Variants in GAREM1 observed in about 807,000 individuals in gnomAD.
GAREM1 encodes the protein GRB2-associated and regulator of MAPK protein 1.
A neutral mutation model predicts 71.3 loss-of-function variants in GAREM1; 26 were observed. The observed-to-expected ratio is 0.36, with a 90% CI of 0.27 to 0.51. The LOEUF (loss-of-function observed/expected upper bound fraction) is 0.51, where lower values mean the gene tolerates loss of function less well. GAREM1 is among the 20% of genes least tolerant of loss of function. GAREM1 has a pLI of 0.95. For missense variants in GAREM1, 1,026 were observed against 1,103.1 expected (o/e 0.93, Z 0.99); for synonymous variants, 440 against 433.2 (o/e 1.02, Z -0.20).
At chr18:32,457,722 G>A (rs888627428) in intron 1 of GAREM1, among the ~76,000 whole-genome samples, 1 of 152,030 alleles carries the variant, frequency 6.6e-6, no homozygotes, top group African/African-American at 2.4e-5. Context: ...AGAGTCCTCA[G>A]GTGCTAAATT....
Position 32,287,230 on chromosome 18 carries a change from A to G in GAREM1, c.1367T>C (p.Leu456Pro). Residue 456 changes from leucine to proline, a missense_variant, in exon 4 of 6, where the codon CTG (leucine) becomes CCG (proline). Leu to Pro is a moderately conservative substitution (Grantham distance 98, BLOSUM62 -3). Transcript: ENST00000269209. The surrounding 1 kb of genome is among the most constrained non-coding windows in gnomAD (Gnocchi z 5.9). Reference sequence around the variant, plus strand: ...GCTGGGCTTGCCTTCCTCCAGCCACAGCTCTTCGTAGGGAAGTTCTGACTT... The same window carrying G: ...GCTGGGCTTGCCTTCCTCCAGCCACGGCTCTTCGTAGGGAAGTTCTGACTT... ...PGKSELPYEE[L>P]WLEEGKPSHQ... is the part of the protein sequence containing the mutation. 2 of 1,614,218 alleles carry G rather than the reference A, an allele frequency of 1.2e-6. No homozygotes were observed. The highest frequency in any genetic ancestry group is 1.7e-6 in the Non-Finnish European group (2 of 1,180,026).
chr18:32,348,442 G>C (rs544442986), intron 2 of GAREM1, among the ~76,000 whole-genome samples: 60 of 152,314 alleles, frequency 3.9e-4, no homozygotes, highest in Non-Finnish European at 6.5e-4. Flanking sequence ...ATTAAGTCAA[G>C]GCTGGGCGTG....
intron 1 of GAREM1, chr18:32,412,432 T>G: frequency 6.3e-7 from 1 of 1,587,320 alleles, no homozygotes; most frequent in Non-Finnish European, 8.5e-7. Context: ...CTTCCATCAT[T>G]ACCAAATCCA....
intron 2 of GAREM1, among the ~76,000 whole-genome samples, chr18:32,362,246 C>T (rs1353779871): frequency 6.6e-6 from 1 of 152,170 alleles, no homozygotes; most frequent in African/African-American, 2.4e-5. Context: ...TCTTTCCATT[C>T]ATGTACATTT....
Position 32,362,648 on chromosome 18 carries a change from T to A in GAREM1, c.262+30247A>T, listed in dbSNP as rs148191062. Among the ~76,000 whole-genome samples, 580 of 152,320 alleles carry A rather than the reference T, an allele frequency of 3.8e-3. 4 individuals are homozygous for A. The highest frequency in any genetic ancestry group is 0.013 in the African/African-American group (557 of 41,580). On this transcript the variant is annotated intron_variant, in intron 2 of 5. Transcript: ENST00000269209. ...CTGGTGTTTACTGGGATAAAACCCC[T>A]AATATTTTGCAAGACATCAGAGATC... is the stretch of plus-strand genomic sequence containing the variant.
intron 3 of GAREM1, among the ~76,000 whole-genome samples, chr18:32,298,698 G>A (rs73956869): frequency 2.4e-3 from 369 of 152,234 alleles, no homozygotes; most frequent in African/African-American, 7.9e-3. Context: ...TAGGAAATCT[G>A]TTCTCTAGCA....
At chr18:32,386,707 G>A (rs1018948110) in intron 2 of GAREM1, among the ~76,000 whole-genome samples, 1 of 152,124 alleles carries the variant, frequency 6.6e-6, no homozygotes. Flanking sequence ...CCATTACTTC[G>A]CAAATTGGCA....
chr18:32,369,206 T>C (rs1245535322), intron 2 of GAREM1, among the ~76,000 whole-genome samples: 1 of 152,226 alleles, frequency 6.6e-6, no homozygotes, highest in South Asian at 2.1e-4. Flanking sequence ...ATATGCTGCT[T>C]TGAAAGGTGC....
chr18:32,393,760 T>A (rs2048225482), intron 1 of GAREM1, among the ~76,000 whole-genome samples: 1 of 152,204 alleles, frequency 6.6e-6, no homozygotes, highest in African/African-American at 2.4e-5. Flanking sequence ...TTTCGGCATT[T>A]GAACGGATGA....
intron 2 of GAREM1, among the ~76,000 whole-genome samples, chr18:32,366,519 C>A (rs1399806188): frequency 5.9e-5 from 9 of 152,120 alleles, no homozygotes; most frequent in African/African-American, 2.2e-4. Context: ...GAAAGGGAAC[C>A]TGTATATAAT....
At chr18:32,393,621 C>T (rs192740439) in intron 1 of GAREM1, among the ~76,000 whole-genome samples, 3 of 152,306 alleles carry the variant, frequency 2.0e-5, no homozygotes, top group Non-Finnish European at 2.9e-5. Context: ...TAAATACTCA[C>T]AGTTCCTTTT....
At chr18:32,350,476 TTAAA>T (rs952637933) in intron 2 of GAREM1, among the ~76,000 whole-genome samples, 4 of 152,108 alleles carry the variant, frequency 2.6e-5, no homozygotes, top group African/African-American at 7.2e-5. Flanking sequence ...TCTCAACACA[TTAAA>T]TAGAGATCCA....
intron 1 of GAREM1, among the ~76,000 whole-genome samples, chr18:32,424,100 C>T (rs576247821): frequency 1.2e-3 from 187 of 151,730 alleles, no homozygotes; most frequent in African/African-American, 4.3e-3. Flanking sequence ...CATGCTGCTG[C>T]GATCCAGCCC....
intron 1 of GAREM1, among the ~76,000 whole-genome samples, chr18:32,407,516 T>C (rs923006655): frequency 2.6e-5 from 4 of 152,232 alleles, no homozygotes; most frequent in Admixed American, 6.5e-5. Flanking sequence ...TGAAAAGACA[T>C]AGTCTTACTT....
chr18:32,309,999 A>G (rs532825753), intron 3 of GAREM1, among the ~76,000 whole-genome samples, 194 bp downstream of exon 3: 2 of 152,214 alleles, frequency 1.3e-5, no homozygotes, highest in Non-Finnish European at 2.9e-5. Context: ...CTAACAAAAG[A>G]TAATGCTAAT....
intron 3 of GAREM1, among the ~76,000 whole-genome samples, chr18:32,298,395 T>A (rs566188351): frequency 1.3e-5 from 2 of 152,246 alleles, no homozygotes; most frequent in East Asian, 3.9e-4. Context: ...ATTTGCATAA[T>A]TTTTTTCCTT....
intron 3 of GAREM1, among the ~76,000 whole-genome samples, chr18:32,309,504 T>C (rs774021309): frequency 7.6e-6 from 1 of 131,248 alleles, no homozygotes; most frequent in Non-Finnish European, 1.7e-5. Flanking sequence ...TAGCCCCAGC[T>C]GCTGGGGAGA....
intron 4 of GAREM1, among the ~76,000 whole-genome samples, chr18:32,286,321 AGTGTGTGTGTGTGTGTGT>A (rs140225815): frequency 1.4e-5 from 2 of 143,122 alleles, no homozygotes; most frequent in Non-Finnish European, 3.1e-5. Context: ...CTGGTTCTGG[AGTGTGTGTGTGTGTGTGT>A]GTGTGTGTGT....
chr18:32,392,622 ATTGATT>A (rs1274895495), intron 2 of GAREM1, among the ~76,000 whole-genome samples: 3 of 152,208 alleles, frequency 2.0e-5, no homozygotes, highest in African/African-American at 7.2e-5. Context: ...GGCTACATGT[ATTGATT>A]TTAATTCCAA....
Sources: gnomAD v4.1 joint callset for allele counts (sites outside exome capture counted in the v4.1 genomes callset) on GRCh38, gnomAD v4.1.1 for gene constraint, Gnocchi (gnomAD v3.1) non-coding constraint, MANE v1.5 for transcripts, NCBI Gene and HGNC (gene_info 2026-07-23, HGNC 2026-07-21) for gene names.